THEMIS: variants seen among roughly 807,000 people sequenced by gnomAD.
THEMIS encodes protein THEMIS.
In THEMIS, 37 loss-of-function variants were observed where a neutral mutation model predicts 52.6. The observed-to-expected ratio is 0.70, with a 90% CI of 0.54 to 0.93. The LOEUF (loss-of-function observed/expected upper bound fraction) is 0.93. Ranked by LOEUF, THEMIS falls within the 40% of genes least tolerant of loss-of-function variation. The probability of loss-of-function intolerance (pLI) is 0.00; values close to 1 mark genes in which losing one functional copy is unlikely to be tolerated. For synonymous variants in THEMIS, 292 were observed against 272.7 expected, an observed-to-expected ratio of 1.07 and a Z score of -0.70; for missense variants, 808 against 763.1, an observed-to-expected ratio of 1.06 and a Z score of -0.69.
the THEMIS span, among the ~76,000 whole-genome samples, chr6:127,701,118 C>T: frequency 6.6e-6 from 1 of 152,056 alleles, no homozygotes; most frequent in South Asian, 2.1e-4. Context: ...ATATATGGAA[C>T]ATTCTCATCA....
upstream of THEMIS, among the ~76,000 whole-genome samples, chr6:127,905,476 C>T (rs1781244886): frequency 6.6e-6 from 1 of 151,962 alleles, no homozygotes; most frequent in Non-Finnish European, 1.5e-5. Flanking sequence ...AGTAAACTCT[C>T]ACTAAAAGAA....
intron 4 of THEMIS, among the ~76,000 whole-genome samples, chr6:127,759,252 A>G (rs1050993331): frequency 1.3e-5 from 2 of 152,202 alleles, no homozygotes; most frequent in Admixed American, 1.3e-4. Context: ...AAAAATGTTA[A>G]GCAAATTAAT....
chr6:127,778,160 A>G (rs1390446067), intron 4 of THEMIS, among the ~76,000 whole-genome samples: 1 of 152,146 alleles, frequency 6.6e-6, no homozygotes, highest in Non-Finnish European at 1.5e-5. Flanking sequence ...ATGTGTGTGT[A>G]TGTATATTTC....
intron 4 of THEMIS, among the ~76,000 whole-genome samples, chr6:127,735,705 T>A (rs1341496659): frequency 6.6e-6 from 1 of 152,182 alleles, no homozygotes; most frequent in Non-Finnish European, 1.5e-5. Flanking sequence ...GGAATGACAG[T>A]TGCCAGGGCA....
intron 2 of THEMIS, among the ~76,000 whole-genome samples, chr6:127,841,473 T>G (rs1350237192): frequency 2.0e-5 from 3 of 151,984 alleles, no homozygotes; most frequent in African/African-American, 7.2e-5. Context: ...GAGATAGATT[T>G]TAGAAGATGG....
At position 127,834,752 on chromosome 6, in the gene THEMIS, T is replaced by C. The variant is rs147418767; in HGVS notation, c.251-4818A>G. Among the ~76,000 whole-genome samples the C allele has an allele frequency of 7.6e-4, 116 of 152,268 alleles. No individual in the cohort carries two copies. In the East Asian group the frequency reaches 0.021, roughly 28 times the overall value. ...CATTGCATGGGGAAAACAAATAAAC[T>C]TTCCCAGTAACATTTAAACTCCTTG... On this transcript the variant is annotated intron_variant, in intron 2 of 5. Coordinates refer to ENST00000368248, the MANE Select transcript of THEMIS (RefSeq NM_001010923.3).
chr6:127,834,038 A>T (rs1445800467), intron 2 of THEMIS, among the ~76,000 whole-genome samples: 1 of 152,194 alleles, frequency 6.6e-6, no homozygotes, highest in Non-Finnish European at 1.5e-5. Flanking sequence ...TCAATTATAG[A>T]TCACTGAACA....
At chr6:127,900,719 T>C (rs1270011122) in intron 1 of THEMIS, 123 bp downstream of exon 1, 1 of 831,262 alleles carries the variant, frequency 1.2e-6, no homozygotes, top group African/African-American at 1.7e-5. Context: ...TTACTTTCTT[T>C]TGTGATCGCC....
chr6:127,802,646 TA>T (rs1463598075), intron 4 of THEMIS, among the ~76,000 whole-genome samples: 1 of 152,176 alleles, frequency 6.6e-6, no homozygotes, highest in African/African-American at 2.4e-5. Flanking sequence ...ATTTGAGTTA[TA>T]AAAAATAGAG....
chr6:127,825,542 T>C (rs1270184243), intron 3 of THEMIS, among the ~76,000 whole-genome samples: 1 of 152,182 alleles, frequency 6.6e-6, no homozygotes, highest in Non-Finnish European at 1.5e-5. Context: ...AAGGGAAGGT[T>C]GGCCTGCATA....
At chr6:127,732,244 C>T (rs1414173003) in intron 4 of THEMIS, among the ~76,000 whole-genome samples, 1 of 151,940 alleles carries the variant, frequency 6.6e-6, no homozygotes, top group Non-Finnish European at 1.5e-5. Flanking sequence ...TGTAAATTTT[C>T]ATTTCAATCA....
chr6:127,702,908 A>G, the THEMIS span, among the ~76,000 whole-genome samples: 1 of 152,048 alleles, frequency 6.6e-6, no homozygotes, highest in East Asian at 1.9e-4. Flanking sequence ...TGCCCCCATG[A>G]TTCAACACAC....
intron 2 of THEMIS, among the ~76,000 whole-genome samples, chr6:127,836,439 T>C (rs1778877384): frequency 6.6e-6 from 1 of 152,168 alleles, no homozygotes; most frequent in African/African-American, 2.4e-5. Flanking sequence ...TTGTCTGACA[T>C]ATTTGCTGAT....
At chr6:127,781,178 C>T (rs916260389) in intron 4 of THEMIS, among the ~76,000 whole-genome samples, 1 of 151,582 alleles carries the variant, frequency 6.6e-6, no homozygotes, top group Non-Finnish European at 1.5e-5. Context: ...TCTGCTTGAT[C>T]GGTTTGGTTA....
chr6:127,715,208 G>C (rs1774115447), intron 5 of THEMIS, among the ~76,000 whole-genome samples: 1 of 151,802 alleles, frequency 6.6e-6, no homozygotes, highest in African/African-American at 2.4e-5. Flanking sequence ...ATCTAGAAGT[G>C]TAAAATAAAT....
At chr6:127,866,818 A>G (rs986993989) in intron 1 of THEMIS, among the ~76,000 whole-genome samples, 1 of 151,870 alleles carries the variant, frequency 6.6e-6, no homozygotes, top group Non-Finnish European at 1.5e-5. Context: ...TTTTCTTGAG[A>G]AACTTACATT....
chr6:127,797,994 A>C (rs2114547359), intron 4 of THEMIS, among the ~76,000 whole-genome samples: 1 of 152,372 alleles, frequency 6.6e-6, no homozygotes, highest in Admixed American at 6.5e-5. Flanking sequence ...ATGAAGAGTC[A>C]GTGAAACAAT....
At chr6:127,789,607 A>G (rs1265058276) in intron 4 of THEMIS, among the ~76,000 whole-genome samples, 1 of 152,226 alleles carries the variant, frequency 6.6e-6, no homozygotes, top group Non-Finnish European at 1.5e-5. Context: ...CCTGATGAAC[A>G]TCAATACAAA....
intron 2 of THEMIS, among the ~76,000 whole-genome samples, chr6:127,842,573 T>G (rs922485110): frequency 3.3e-5 from 5 of 152,020 alleles, no homozygotes; most frequent in African/African-American, 1.2e-4. Flanking sequence ...TGGAAGAGAA[T>G]TCTCCGTAGC....
Sources: allele counts gnomAD v4.1 joint callset (sites outside exome capture counted in the v4.1 genomes callset), GRCh38; gene constraint gnomAD v4.1.1; transcripts MANE v1.5; gene names NCBI Gene and HGNC (gene_info 2026-07-23, HGNC 2026-07-21).